The following GTF2A1L variants were observed in gnomAD, a reference collection of about 807,000 sequenced individuals.
GTF2A1L encodes TFIIA-alpha and beta-like factor.
In GTF2A1L, 48 loss-of-function variants were observed where a neutral mutation model predicts 49.7. The ratio of observed to expected loss-of-function variants is 0.97; its 90% CI spans 0.77 to 1.23. GTF2A1L has a LOEUF of 1.23. Among genes scored for constraint, GTF2A1L ranks in the 50% most tolerant of loss-of-function variants. The pLI is 0.00. For synonymous variants in GTF2A1L, 246 were observed against 193.5 expected (o/e 1.27, Z -2.25); for missense variants, 736 against 564.8 (o/e 1.30, Z -3.07).
chr2:48,658,681 G>A (rs190240804), intron 6 of GTF2A1L, among the ~76,000 whole-genome samples: 80 of 152,050 alleles, frequency 5.3e-4, no homozygotes, highest in Non-Finnish European at 9.6e-4. Flanking sequence ...ATTAGGTATT[G>A]GTCTGTTTAG....
chr2:48,644,796 C>A (rs1402386737), intron 4 of GTF2A1L, among the ~76,000 whole-genome samples: 1 of 152,120 alleles, frequency 6.6e-6, no homozygotes, highest in Non-Finnish European at 1.5e-5. Context: ...TTATACTGTT[C>A]ATTAGGACTT....
intron 4 of GTF2A1L, among the ~76,000 whole-genome samples, chr2:48,642,716 G>A (rs1045465415): frequency 1.1e-4 from 17 of 152,248 alleles, no homozygotes; most frequent in East Asian, 5.8e-4. Flanking sequence ...TTAGCTGGGT[G>A]TAGTGGTGGG....
intron 3 of GTF2A1L, among the ~76,000 whole-genome samples, chr2:48,639,731 A>T (rs1418319471): frequency 1.3e-5 from 2 of 152,246 alleles, no homozygotes; most frequent in Non-Finnish European, 2.9e-5. Flanking sequence ...GTTTCTGCAC[A>T]GTGAAAGAAA....
At chr2:48,639,552 G>C (rs1190713858) in intron 3 of GTF2A1L, among the ~76,000 whole-genome samples, 1 of 152,056 alleles carries the variant, frequency 6.6e-6, no homozygotes, top group East Asian at 1.9e-4. Flanking sequence ...ATCAACTCAA[G>C]ATGGATTAAA....
At chr2:48,659,790 G>T (rs988699466) in intron 6 of GTF2A1L, among the ~76,000 whole-genome samples, 1 of 152,030 alleles carries the variant, frequency 6.6e-6, no homozygotes, top group Non-Finnish European at 1.5e-5. Context: ...TTGTTGAAAT[G>T]CAGCTGATTT....
intron 3 of GTF2A1L, among the ~76,000 whole-genome samples, chr2:48,621,912 T>TA (rs1676020092): frequency 6.6e-6 from 1 of 152,208 alleles, no homozygotes; most frequent in Non-Finnish European, 1.5e-5. Flanking sequence ...AGATAAAACT[T>TA]AAGAGTTTTC....
chr2:48,626,102 A>G (rs1676275781), intron 3 of GTF2A1L, among the ~76,000 whole-genome samples: 1 of 143,834 alleles, frequency 7.0e-6, no homozygotes, highest in Non-Finnish European at 1.6e-5. Flanking sequence ...CACTTCTTCC[A>G]CCAACAACCA....
In GTF2A1L at chr2:48,645,027, A is replaced by G. The variant is rs1677418491; in HGVS notation, c.304-6A>G. The G allele has an allele frequency of 6.2e-7, 1 of 1,606,338 alleles. No homozygotes were observed. Among genetic ancestry groups the G allele is most frequent in the South Asian group, 1.1e-5 (1 of 88,938 alleles). ...TAACTTTCTAATATAAATTTCTTAT[A>G]TCTAGGGCACTTCAAACTCCAGTGC... is the stretch of plus-strand genomic sequence containing the variant. On this transcript the variant is annotated splice_polypyrimidine_tract_variant and splice_region_variant and intron_variant, in intron 4 of 8. Transcript: ENST00000403751.
chr2:48,655,910 C>T (rs1243648315), intron 6 of GTF2A1L, among the ~76,000 whole-genome samples: 1 of 152,128 alleles, frequency 6.6e-6, no homozygotes, highest in Non-Finnish European at 1.5e-5. Context: ...TGAATTTGAC[C>T]ACTTTAGTTA....
intron 3 of GTF2A1L, among the ~76,000 whole-genome samples, chr2:48,636,945 G>T (rs941487706): frequency 6.6e-6 from 1 of 152,150 alleles, no homozygotes; most frequent in African/African-American, 2.4e-5. Context: ...ATGATGGAAG[G>T]AAGGGAAGGG....
chr2:48,656,258 C>T (rs1236421433), intron 6 of GTF2A1L, among the ~76,000 whole-genome samples: 1 of 151,316 alleles, frequency 6.6e-6, no homozygotes, highest in African/African-American at 2.4e-5. Context: ...AACTGCCATA[C>T]AGTTTCCATA....
chr2:48,623,675 G>A (rs6545054), intron 3 of GTF2A1L, among the ~76,000 whole-genome samples: 1 of 152,090 alleles, frequency 6.6e-6, no homozygotes, highest in Non-Finnish European at 1.5e-5. Context: ...ACCCATACAT[G>A]GTGGATTGGA....
intron 3 of GTF2A1L, among the ~76,000 whole-genome samples, chr2:48,631,999 TTTG>T (rs1369707623): frequency 6.6e-6 from 1 of 152,206 alleles, no homozygotes; most frequent in Non-Finnish European, 1.5e-5. Flanking sequence ...TGTTTTTGTT[TTTG>T]TTGTTGTTGT....
chr2:48,662,999 C>T (rs1002852499), intron 6 of GTF2A1L, among the ~76,000 whole-genome samples: 1 of 151,970 alleles, frequency 6.6e-6, no homozygotes. Flanking sequence ...TATCTGTAAA[C>T]TAAACCCCCG....
chr2:48,619,105 T>C (rs1485930168), intron 1 of GTF2A1L, among the ~76,000 whole-genome samples: 2 of 152,182 alleles, frequency 1.3e-5, no homozygotes, highest in Non-Finnish European at 2.9e-5. Flanking sequence ...ATTTAAATGT[T>C]ACTGATTGGC....
At chr2:48,621,316 C>T (rs778980161) in intron 3 of GTF2A1L, 26 bp downstream of exon 3, 19 of 1,613,426 alleles carry the variant, frequency 1.2e-5, no homozygotes, top group Non-Finnish European at 1.6e-5. Context: ...TAAATGAGTA[C>T]TGTTAGTATC....
chr2:48,621,363 TAGAC>T (rs1041296629), intron 3 of GTF2A1L, 73 bp downstream of exon 3: 15 of 1,603,668 alleles, frequency 9.4e-6, no homozygotes, highest in African/African-American at 4.0e-5. Flanking sequence ...GTTTTTCAGT[TAGAC>T]AGGGTAATGT....
intron 6 of GTF2A1L, among the ~76,000 whole-genome samples, chr2:48,661,569 G>C (rs1483218277): frequency 6.6e-6 from 1 of 151,794 alleles, no homozygotes; most frequent in Non-Finnish European, 1.5e-5. Context: ...CATATATCTG[G>C]GGGCTCTGAT....
chr2:48,644,692 A>G lies in GTF2A1L; in HGVS notation c.304-341A>G, dbSNP rs113581819. 1.6e-4 allele frequency among the ~76,000 whole-genome samples: 24 copies of G among 152,338 alleles called. 3 individuals are homozygous for G. The highest frequency in any genetic ancestry group is 5.8e-4 in the African/African-American group (24 of 41,590). On this transcript the variant is annotated intron_variant, in intron 4 of 8. Transcript: ENST00000403751. The stretch of plus-strand genomic sequence containing the variant: ...AACCAATTTTTATCACATTCTCAAC[A>G]ACACTGGATGTTATCAGTCTTTCAA...
Sources: allele counts gnomAD v4.1 joint callset (sites outside exome capture counted in the v4.1 genomes callset), GRCh38; gene constraint gnomAD v4.1.1; transcripts MANE v1.5; gene names NCBI Gene and HGNC (gene_info 2026-07-23, HGNC 2026-07-21).